CHODL: variants seen among roughly 807,000 people sequenced by gnomAD.
The protein encoded by CHODL is chondrolectin.
A neutral mutation model predicts 34.5 loss-of-function variants in CHODL; 29 were observed. That is an observed-to-expected ratio of 0.84 (90% CI 0.63 to 1.15). The LOEUF (loss-of-function observed/expected upper bound fraction) is 1.15, where lower values mean the gene tolerates loss of function less well. CHODL is among the 50% of genes most tolerant of loss of function. CHODL has a pLI of 0.00. For synonymous variants in CHODL, 125 were observed against 116.1 expected, an observed-to-expected ratio of 1.08 and a Z score of -0.49; for missense variants, 332 against 332.5, an observed-to-expected ratio of 1.00 and a Z score of 0.01.
chr21:18,138,813 T>G (rs1429486261), intron 2 of CHODL, among the ~76,000 whole-genome samples: 1 of 152,176 alleles, frequency 6.6e-6, no homozygotes, highest in African/African-American at 2.4e-5. Flanking sequence ...GCTTTAATTC[T>G]CATGATTGCA....
chr21:17,985,987 G>T (rs1486591329), intron 1 of CHODL, among the ~76,000 whole-genome samples: 1 of 151,910 alleles, frequency 6.6e-6, no homozygotes, highest in African/African-American at 2.4e-5. Flanking sequence ...CACTCATGAG[G>T]GTTCTACCTT....
intron 1 of CHODL, among the ~76,000 whole-genome samples, chr21:17,942,447 T>G (rs1340858024): frequency 6.6e-6 from 1 of 152,184 alleles, no homozygotes; most frequent in East Asian, 1.9e-4. Context: ...GAGATGTGCC[T>G]TTCACCTTCC....
intron 2 of CHODL, among the ~76,000 whole-genome samples, chr21:18,184,710 T>C (rs2073420616): frequency 6.6e-6 from 1 of 152,096 alleles, no homozygotes; most frequent in Non-Finnish European, 1.5e-5. Flanking sequence ...GAATTTTTGG[T>C]TTTTAGTACA....
intron 2 of CHODL, among the ~76,000 whole-genome samples, chr21:18,077,282 C>G (rs1396222020): frequency 6.6e-6 from 1 of 152,160 alleles, no homozygotes; most frequent in Non-Finnish European, 1.5e-5. Context: ...CATAAGTTTG[C>G]AGGTGAATGG....
intron 1 of CHODL, among the ~76,000 whole-genome samples, chr21:18,006,412 A>C (rs1246050370): frequency 6.6e-6 from 1 of 151,982 alleles, no homozygotes; most frequent in African/African-American, 2.4e-5. Context: ...CTTCCACCCC[A>C]GATGGAAACT....
At chr21:17,947,658 A>G (rs191412369) in intron 1 of CHODL, among the ~76,000 whole-genome samples, 134 of 152,160 alleles carry the variant, frequency 8.8e-4, no homozygotes, top group African/African-American at 3.0e-3. Flanking sequence ...TAAAAAATAT[A>G]AAAACACAGA....
chr21:17,996,768 C>G (rs1195264126), intron 1 of CHODL, among the ~76,000 whole-genome samples: 1 of 152,078 alleles, frequency 6.6e-6, no homozygotes. Flanking sequence ...ATTTATAGAC[C>G]TGAAGGTGTT....
chr21:17,999,947 C>G (rs1404301391), intron 1 of CHODL, among the ~76,000 whole-genome samples: 1 of 152,046 alleles, frequency 6.6e-6, no homozygotes, highest in Non-Finnish European at 1.5e-5. Context: ...AAATCATGCT[C>G]AAGATGAGGA....
At chr21:18,167,150 T>G (rs1046721129) in intron 2 of CHODL, among the ~76,000 whole-genome samples, 1 of 151,844 alleles carries the variant, frequency 6.6e-6, no homozygotes, top group African/African-American at 2.4e-5. Context: ...AAATATCCAA[T>G]TTTAGAATTG....
chr21:18,154,292 C>T (rs2073006511), intron 2 of CHODL, among the ~76,000 whole-genome samples: 1 of 151,950 alleles, frequency 6.6e-6, no homozygotes, highest in African/African-American at 2.4e-5. Context: ...AGGAAGATGT[C>T]CCCACTCCTC....
chr21:18,246,246 A>G (rs992951800), intron 1 of CHODL, among the ~76,000 whole-genome samples: 8 of 152,158 alleles, frequency 5.3e-5, no homozygotes, highest in Admixed American at 1.3e-4. Context: ...AAACATTGCA[A>G]TAAGTATTTG....
In CHODL at chr21:18,245,321, C is replaced by T; in HGVS notation, c.79+19C>T. 1 of 1,510,398 alleles carries T rather than the reference C, an allele frequency of 6.6e-7. No individual in the cohort carries two copies. The highest frequency in any genetic ancestry group is 1.2e-5 in the South Asian group (1 of 82,042). The allele number at this position is 1,510,398 out of a possible 1,614,324, so 93.6% of individuals were successfully genotyped here. ...GTCAGCGGTGAGTCAGGGGCCGTCT[C>T]CCCGAAGAACGAGCGGGGAGAGGGG... On this transcript the variant is annotated intron_variant, in intron 1 of 5. Transcript: ENST00000299295.
At chr21:17,990,656 A>AT (rs1359386584) in intron 1 of CHODL, among the ~76,000 whole-genome samples, 4 of 152,064 alleles carry the variant, frequency 2.6e-5, no homozygotes, top group Non-Finnish European at 5.9e-5. Flanking sequence ...AAGGAATAAC[A>AT]TTTTTTCCAT....
intron 1 of CHODL, among the ~76,000 whole-genome samples, chr21:17,927,561 A>G (rs2063238972): frequency 7.9e-5 from 12 of 152,154 alleles, no homozygotes; most frequent in Admixed American, 7.2e-4. Flanking sequence ...ACTATAATGG[A>G]TCCTCAGAGG....
chr21:18,179,486 T>C (rs951270675), intron 2 of CHODL, among the ~76,000 whole-genome samples: 2 of 152,212 alleles, frequency 1.3e-5, no homozygotes, highest in African/African-American at 2.4e-5. Flanking sequence ...TCTCAATTGG[T>C]AGAAACTTTT....
intron 2 of CHODL, among the ~76,000 whole-genome samples, chr21:18,110,687 G>T (rs924356317): frequency 6.6e-6 from 1 of 152,152 alleles, no homozygotes; most frequent in African/African-American, 2.4e-5. Context: ...AGTGGGAAAA[G>T]CACTGCATTT....
rs1391882281 is a variant in CHODL at position 17,954,993 on chromosome 21, A to G, written c.-145+37593A>G. Among the ~76,000 whole-genome samples, 5 of 133,782 alleles carry G rather than the reference A, an allele frequency of 3.7e-5. 1 individual carries two copies. Among genetic ancestry groups the G allele is most frequent in the African/African-American group, 1.3e-4 (5 of 39,424 alleles). 87.8% of individuals were successfully genotyped at this position (133,782 alleles called of 152,430 possible). ...GCTACTGTCATAAACTTTTACTACCATCAACTGGATAGCTTATAGACAAGA... is the reference window on the plus strand; with the variant it reads ...GCTACTGTCATAAACTTTTACTACCGTCAACTGGATAGCTTATAGACAAGA... On this transcript the variant is annotated intron_variant, in intron 1 of 6. Coordinates refer to the CHODL transcript ENST00000400127.
chr21:18,115,135 AT>A (rs2065396689), intron 2 of CHODL, among the ~76,000 whole-genome samples: 1 of 152,222 alleles, frequency 6.6e-6, no homozygotes, highest in African/African-American at 2.4e-5. Flanking sequence ...TAGAGAACAG[AT>A]TACAGGAGAT....
In CHODL at chr21:18,266,158, C is replaced by T; in HGVS notation, c.*120C>T. On this transcript the variant is annotated 3_prime_UTR_variant, in exon 6 of 6. Transcript: ENST00000299295. ...GATCTGCAAGATGAACTGTAAGCTC[C>T]CCCTTGAGGCAAATATTAAAGTAAT... 6.3e-7 allele frequency: 1 copy of T among 1,580,882 alleles called. No individual in the cohort carries two copies.
Sources: allele counts gnomAD v4.1 joint callset (sites outside exome capture counted in the v4.1 genomes callset), GRCh38; gene constraint gnomAD v4.1.1; transcripts MANE v1.5; gene names NCBI Gene and HGNC (gene_info 2026-07-23, HGNC 2026-07-21).